PROCR: variants seen among roughly 807,000 people sequenced by gnomAD.
The protein encoded by PROCR is protein C receptor, also known as endothelial protein C receptor.
PROCR carries 22 observed loss-of-function variants against 24.2 expected under a neutral mutation model. The observed-to-expected ratio is 0.91, with a 90% CI of 0.65 to 1.30. The LOEUF (loss-of-function observed/expected upper bound fraction) is 1.30, where lower values mean the gene tolerates loss of function less well. Ranked by LOEUF, PROCR falls within the 50% of genes most tolerant of loss-of-function variation. The pLI, the probability that PROCR is intolerant of heterozygous loss-of-function variation, is 0.00. For missense variants in PROCR, 288 were observed against 307.7 expected, an observed-to-expected ratio of 0.94 and a Z score of 0.48; for synonymous variants, 137 against 139.2, an observed-to-expected ratio of 0.98 and a Z score of 0.11.
chr20:35,183,299 G>T (rs1477365602), intron 1 of PROCR, among the ~76,000 whole-genome samples: 1 of 152,148 alleles, frequency 6.6e-6, no homozygotes, highest in African/African-American at 2.4e-5. Context: ...CCTCATGAAT[G>T]GCTTAACACC....
intron 1 of PROCR, among the ~76,000 whole-genome samples, chr20:35,192,033 A>G (rs1422749019): frequency 1.3e-5 from 2 of 152,206 alleles, no homozygotes; most frequent in Non-Finnish European, 2.9e-5. Flanking sequence ...CTACTTACCC[A>G]TTACCCATCA....
chr20:35,186,160 C>T (rs1417193086), intron 1 of PROCR, among the ~76,000 whole-genome samples: 3 of 152,094 alleles, frequency 2.0e-5, no homozygotes, highest in Admixed American at 2.0e-4. Flanking sequence ...TGGTAATAAT[C>T]CAAATGTCTG....
intron 1 of PROCR, among the ~76,000 whole-genome samples, chr20:35,214,396 G>A (rs2060373270): frequency 1.3e-5 from 2 of 151,944 alleles, no homozygotes; most frequent in Non-Finnish European, 1.5e-5. Context: ...TTAAAAAATG[G>A]CTGCATTGGG....
intron 1 of PROCR, among the ~76,000 whole-genome samples, chr20:35,198,429 T>C (rs1038225051): frequency 6.6e-6 from 1 of 152,210 alleles, no homozygotes; most frequent in East Asian, 1.9e-4. Context: ...AGCCAAAACT[T>C]AATCTAGATC....
chr20:35,177,910 A>C (rs969644825), downstream of PROCR, among the ~76,000 whole-genome samples: 2 of 152,056 alleles, frequency 1.3e-5, no homozygotes, highest in East Asian at 1.9e-4. Flanking sequence ...TGTTCTGTCT[A>C]CTTTTTTTCA....
At chr20:35,175,050 G>A in intron 2 of PROCR, 97 bp downstream of exon 2, 1 of 1,129,754 alleles carries the variant, frequency 8.9e-7, no homozygotes, top group Non-Finnish European at 1.2e-6. Flanking sequence ...GGCGGGCTGG[G>A]ACTTGCAGGG....
chr20:35,175,168 G>A (rs939299896), intron 2 of PROCR, among the ~76,000 whole-genome samples: 1 of 151,946 alleles, frequency 6.6e-6, no homozygotes, highest in Non-Finnish European at 1.5e-5. Flanking sequence ...TCGGGCGGTC[G>A]TCCTGCTGGC....
intron 1 of PROCR, among the ~76,000 whole-genome samples, chr20:35,206,487 A>C (rs2060343248): frequency 6.6e-6 from 1 of 151,410 alleles, no homozygotes; most frequent in African/African-American, 2.4e-5. Context: ...AAAAAAAAAA[A>C]AAAAAAAAAA....
chr20:35,178,050 T>C (rs987110546), downstream of PROCR, among the ~76,000 whole-genome samples: 1 of 152,144 alleles, frequency 6.6e-6, no homozygotes, highest in Non-Finnish European at 1.5e-5. Flanking sequence ...CCTTCATGGC[T>C]GCAAATACTA....
intron 1 of PROCR, among the ~76,000 whole-genome samples, chr20:35,194,147 C>A (rs1262731138): frequency 2.0e-5 from 3 of 152,068 alleles, no homozygotes. Context: ...TGATAAACAG[C>A]AGTTTTGGTG....
chr20:35,174,485 C>T (rs753666754), intron 1 of PROCR: 6 of 624,464 alleles, frequency 9.6e-6, no homozygotes, highest in Non-Finnish European at 1.7e-5. Context: ...CTGCAGGCCT[C>T]AGTTTCCTCA....
intron 1 of PROCR, among the ~76,000 whole-genome samples, chr20:35,193,904 T>C (rs546602161): frequency 6.6e-6 from 1 of 152,254 alleles, no homozygotes; most frequent in Non-Finnish European, 1.5e-5. Flanking sequence ...AGAGAAAACA[T>C]TCAAGTACTA....
Position 35,176,279 on chromosome 20 carries a change from C to G in PROCR, c.434C>G (p.Pro145Arg). The G allele has an allele frequency of 6.2e-7, 1 of 1,614,188 alleles. No individual in the cohort carries two copies. Among genetic ancestry groups the G allele is most frequent in the Non-Finnish European group, 8.5e-7 (1 of 1,180,042 alleles). Residue 145 changes from proline (P) to arginine (R), a missense_variant, in exon 3 of 4, where the codon CCG becomes CGG. By Grantham distance (103) the Pro-to-Arg change is moderately radical (BLOSUM62 -2). Transcript: ENST00000216968. ...GGGAGCTCCTTTGTGAGTTTCCGGC[C>G]GGAGAGAGCCTTGTGGCAGGCAGAC... is the stretch of plus-strand genomic sequence containing the variant. ...VNGSSFVSFR[P>R]ERALWQADTQ...
At chr20:35,214,443 T>C (rs1007653580) in intron 1 of PROCR, among the ~76,000 whole-genome samples, 1 of 152,122 alleles carries the variant, frequency 6.6e-6, no homozygotes, top group Admixed American at 6.6e-5. Flanking sequence ...TCCCAGCACT[T>C]TGGGAGTCCA....
chr20:35,195,455 A>T (rs2086207361), intron 1 of PROCR: 1 of 152,186 alleles, frequency 6.6e-6, no homozygotes, highest in Non-Finnish European at 1.5e-5. Context: ...AAACAATCAG[A>T]CACCTACTAT....
At chr20:35,201,896 A>T in intron 1 of PROCR, 1 of 152,186 alleles carries the variant, frequency 6.6e-6, no homozygotes, top group Middle Eastern at 3.2e-3. Flanking sequence ...ACTAACAAAG[A>T]TCCAAAATAA....
intron 1 of PROCR, among the ~76,000 whole-genome samples, chr20:35,185,430 G>C (rs1288184538): frequency 6.6e-6 from 1 of 152,162 alleles, no homozygotes; most frequent in Admixed American, 6.5e-5. Context: ...AAAGATACTT[G>C]CACACGCAAG....
At chr20:35,178,122 G>A (rs2086039198), downstream of PROCR, among the ~76,000 whole-genome samples, 2 of 151,832 alleles carry the variant, frequency 1.3e-5, no homozygotes, top group African/African-American at 2.4e-5. Flanking sequence ...GTGTTTTGTC[G>A]GCCAGGCGCG....
At chr20:35,195,419 A>G (rs1399109894) in intron 1 of PROCR, 1 of 152,198 alleles carries the variant, frequency 6.6e-6, no homozygotes, top group East Asian at 1.9e-4. Context: ...TGGGTAATGT[A>G]GGCTGTCAAT....
Sources: allele counts gnomAD v4.1 joint callset (sites outside exome capture counted in the v4.1 genomes callset), GRCh38; gene constraint gnomAD v4.1.1; transcripts MANE v1.5; gene names NCBI Gene and HGNC (gene_info 2026-07-23, HGNC 2026-07-21).